The following DIO2 variants were observed in gnomAD, a reference collection of about 807,000 sequenced individuals.
DIO2 encodes type II iodothyronine deiodinase.
In DIO2, 19 loss-of-function variants were observed where a neutral mutation model predicts 21.4. The observed-to-expected ratio is 0.89, with a 90% CI of 0.62 to 1.30. The LOEUF is 1.30. DIO2 is among the 50% of genes most tolerant of loss of function. The pLI, the probability that DIO2 is intolerant of heterozygous loss-of-function variation, is 0.00. For missense variants in DIO2, 302 were observed against 338.1 expected (o/e 0.89, Z 0.84); for synonymous variants, 122 against 132.9 (o/e 0.92, Z 0.57).
At chr14:80,220,353 C>G (rs924148663) in intron 2 of DIO2, among the ~76,000 whole-genome samples, 1 of 152,142 alleles carries the variant, frequency 6.6e-6, no homozygotes, top group African/African-American at 2.4e-5. Flanking sequence ...GTCTTAGCAT[C>G]TAGGTGTTAC....
chr14:80,207,824 T>G (rs542696540), intron 1 of DIO2, among the ~76,000 whole-genome samples: 2 of 152,322 alleles, frequency 1.3e-5, no homozygotes, highest in East Asian at 1.9e-4. Flanking sequence ...CAATGTTTTA[T>G]CCAAGTGATG....
intron 1 of DIO2, among the ~76,000 whole-genome samples, chr14:80,209,105 G>A (rs567557446): frequency 1.3e-5 from 2 of 152,088 alleles, no homozygotes; most frequent in East Asian, 3.9e-4. Flanking sequence ...ACAACATATT[G>A]CAACATAATG....
rs1887573400 is a variant in DIO2 at position 80,198,517 on chromosome 14, G to C, written c.*4172C>G. ...TTTGTTTTCAAATCTTCCCAGATTG[G>C]TAGACCAAGCCCTCAGGGCCTTGTT... On this transcript the variant is annotated 3_prime_UTR_variant, in exon 2 of 2. Transcript: ENST00000438257. 1 of 152,346 alleles carries C rather than the reference G, an allele frequency of 6.6e-6. No individual in the cohort carries two copies. Among genetic ancestry groups the C allele is most frequent in the Non-Finnish European group, 1.5e-5 (1 of 68,006 alleles). 9.4% of individuals were successfully genotyped at this position (152,346 alleles called of 1,614,324 possible).
Position 80,208,379 on chromosome 14 carries a change from TA to T in DIO2, c.222+2871del, listed in dbSNP as rs942354154. On this transcript the variant is annotated intron_variant, in intron 1 of 1. Transcript: ENST00000438257. ...TCAACCTTTTAAGAAAGGGTTTATT[TA>T]AAAAAAAAAGAAAAGAAAATATTTT... 1.1e-4 allele frequency among the ~76,000 whole-genome samples: 17 copies of T among 149,542 alleles called. No individual in the cohort carries two copies. The East Asian group carries it at 1.6e-3, about 14-fold the overall frequency.
Position 80,211,453 on chromosome 14 carries a change from T to G in DIO2, c.20A>C (p.Asp7Ala), listed in dbSNP as rs894457956. 10 of 1,610,546 alleles carry G rather than the reference T, an allele frequency of 6.2e-6. No individual in the cohort carries two copies. Among genetic ancestry groups the G allele is most frequent in the Non-Finnish European group, 7.6e-6 (9 of 1,178,718 alleles). Residue 7 changes from aspartate (D) to alanine (A), a missense_variant, in exon 1 of 2, where the codon GAC becomes GCC. Transcript: ENST00000438257. ...CAGAATTTGCAGTGTGATCAGCAAG[T>G]CTACGCTGAGGATGCCCATCTTCTC... MGILSV[D>A]LLITLQILPV...
At chr14:80,214,705 GCA>G (rs1163448198), upstream of DIO2, among the ~76,000 whole-genome samples, 311 of 152,176 alleles carry the variant, frequency 2.0e-3, no homozygotes, top group Middle Eastern at 3.4e-3. Flanking sequence ...TATGCATGGT[GCA>G]CAATTGCTCA....
chr14:80,225,610 T>TCTTCTACTG (rs1263304544), intron 2 of DIO2, among the ~76,000 whole-genome samples: 3 of 152,218 alleles, frequency 2.0e-5, no homozygotes, highest in Admixed American at 6.5e-5. Context: ...ATGATTACCT[T>TCTTCTACTG]CTTCTACTGC....
rs2139990350 is a variant in DIO2 at position 80,199,358 on chromosome 14, G to A, written c.*3331C>T. On this transcript the variant is annotated 3_prime_UTR_variant, in exon 2 of 2. Transcript: ENST00000438257. ...TAACTGAACAGATCACTGGGAAGTT[G>A]ATACTACCAAAAATCAAGGAGACGT... The A allele has an allele frequency of 6.6e-6, 1 of 152,298 alleles. No homozygotes were observed. The highest frequency in any genetic ancestry group is 2.1e-4 in the South Asian group (1 of 4,830). 9.4% of individuals were successfully genotyped at this position (152,298 alleles called of 1,614,324 possible).
intron 1 of DIO2, among the ~76,000 whole-genome samples, chr14:80,210,845 C>A (rs1333813021): frequency 6.6e-6 from 1 of 152,176 alleles, no homozygotes; most frequent in Non-Finnish European, 1.5e-5. Flanking sequence ...CTCGAACATA[C>A]TTCCTCAGTG....
intron 1 of DIO2, among the ~76,000 whole-genome samples, chr14:80,209,561 C>T (rs1464862722): frequency 6.6e-6 from 1 of 152,102 alleles, no homozygotes; most frequent in Non-Finnish European, 1.5e-5. Flanking sequence ...TAAAACAAAC[C>T]ATTAAAAACT....
rs1031825763 is a variant in DIO2 at position 80,198,464 on chromosome 14, C to G, written c.*4225G>C. 1.3e-5 allele frequency: 2 copies of G among 152,626 alleles called. No homozygotes were observed. The highest frequency in any genetic ancestry group is 6.5e-5 in the Admixed American group (1 of 15,280). 9.5% of individuals were successfully genotyped at this position (152,626 alleles called of 1,614,324 possible). A position where few individuals can be genotyped will look rare whatever the true frequency, so the allele number is the denominator to read the frequency against. On this transcript the variant is annotated 3_prime_UTR_variant, in exon 2 of 2. Coordinates refer to ENST00000438257, the MANE Select transcript of DIO2 (RefSeq NM_013989.5). ...AAAGTCACTCAATGACTTGCAGCAGCCTTCAGCCTTCCTTCAGTTGCGAGA... is the reference window on the plus strand; with the variant it reads ...AAAGTCACTCAATGACTTGCAGCAGGCTTCAGCCTTCCTTCAGTTGCGAGA...
chr14:80,211,708 C>A, upstream of DIO2: 5 of 173,070 alleles, frequency 2.9e-5, no homozygotes, highest in East Asian at 1.3e-4. Flanking sequence ...GTGTGCCCAT[C>A]AATTCATTCA....
At chr14:80,216,617 T>C (rs1207050128) in intron 3 of DIO2, 1 of 152,126 alleles carries the variant, frequency 6.6e-6, no homozygotes, top group Non-Finnish European at 1.5e-5. Flanking sequence ...AAGTTATACA[T>C]GGTGAATTCA....
chr14:80,225,277 A>G (rs1233395613), intron 2 of DIO2, among the ~76,000 whole-genome samples: 1 of 152,156 alleles, frequency 6.6e-6, no homozygotes. Context: ...GAACCCATAT[A>G]CATCTCCTGA....
In DIO2 at chr14:80,202,705, G is replaced by A; in HGVS notation, c.806C>T (p.Thr269Ile). 2 of 1,612,586 alleles carry A rather than the reference G, an allele frequency of 1.2e-6. No homozygotes were observed. Among genetic ancestry groups the A allele is most frequent in the Non-Finnish European group, 1.7e-6 (2 of 1,179,230 alleles). The change falls in exon 2 of 2, where the codon ACT (threonine) becomes ATT (isoleucine). Residue 269 changes from threonine to isoleucine, a missense_variant. By Grantham distance (89) the Thr-to-Ile change is moderately conservative. Transcript: ENST00000438257. ...ATCATACCTTTAACCAGCTAATCTA[G>A]TTTTCTTTCATCTCTTGCTGAAATT... ...EKNFSKRUKK[T>I]RLAG
chr14:80,206,257 C>G, intron 1 of DIO2: 1 of 1,576,330 alleles, frequency 6.3e-7, no homozygotes, highest in Non-Finnish European at 8.6e-7. Flanking sequence ...TGTGAGTAGA[C>G]CAGTAGTCTG....
chr14:80,230,128 G>A (rs909051776), intron 2 of DIO2, among the ~76,000 whole-genome samples: 6 of 152,122 alleles, frequency 3.9e-5, no homozygotes, highest in Admixed American at 6.6e-5. Flanking sequence ...AGCATGGGTC[G>A]AGGCGGGGAT....
upstream of DIO2, among the ~76,000 whole-genome samples, chr14:80,215,509 AGTTCT>A (rs1238565159): frequency 6.6e-5 from 10 of 152,230 alleles, no homozygotes; most frequent in South Asian, 2.1e-3. Flanking sequence ...GCATCCAGAC[AGTTCT>A]GTCATGTTAA....
At chr14:80,209,996 G>C (rs1019686932) in intron 1 of DIO2, among the ~76,000 whole-genome samples, 2 of 151,932 alleles carry the variant, frequency 1.3e-5, no homozygotes, top group Non-Finnish European at 2.9e-5. Context: ...CTATTATTTC[G>C]AGTTCCCCGT....
Sources: allele counts gnomAD v4.1 joint callset (sites outside exome capture counted in the v4.1 genomes callset), GRCh38; gene constraint gnomAD v4.1.1; transcripts MANE v1.5; gene names NCBI Gene and HGNC (gene_info 2026-07-23, HGNC 2026-07-21).